Variants in EVC2 observed in about 807,000 individuals in gnomAD.
EVC2 encodes the protein limbin.
Under a neutral mutation model 149.3 loss-of-function variants are expected in EVC2, and 148 were observed. That is an observed-to-expected ratio of 0.99 (90% CI 0.87 to 1.14). EVC2 has a LOEUF of 1.14. Ranked by LOEUF, EVC2 falls within the 50% of genes most tolerant of loss-of-function variation. EVC2 has a pLI of 0.00. For synonymous variants in EVC2, 776 were observed against 649.9 expected, an observed-to-expected ratio of 1.19 and a Z score of -2.95; for missense variants, 1,854 against 1,627.3, an observed-to-expected ratio of 1.14 and a Z score of -2.40.
chr4:5,568,671 C>T, intron 19 of EVC2, 31 bp from the exon 20 acceptor site: 1 of 1,590,054 alleles, frequency 6.3e-7, no homozygotes, highest in South Asian at 1.1e-5. Context: ...AGTTCAGACC[C>T]TCGCCGCCTC....
chr4:5,648,204 C>T (rs1270244757), intron 9 of EVC2, among the ~76,000 whole-genome samples: 1 of 152,100 alleles, frequency 6.6e-6, no homozygotes, highest in Non-Finnish European at 1.5e-5. Flanking sequence ...CTGAAATGTG[C>T]AATAGATTAT....
chr4:5,627,269 G>A (rs1716184891), intron 12 of EVC2, among the ~76,000 whole-genome samples: 1 of 152,162 alleles, frequency 6.6e-6, no homozygotes, highest in African/African-American at 2.4e-5. Flanking sequence ...ATATAATTAT[G>A]TCTTTTAAAA....
In EVC2 at chr4:5,625,643, C is replaced by T; in HGVS notation, c.2046+106G>A. The stretch of plus-strand genomic sequence containing the variant: ...ACATCATGGTGCCTGCCCAGCTGCC[C>T]TTCTGATCCTAGTTCACCAATGGCA... On this transcript the variant is annotated intron_variant, in intron 13 of 21. Coordinates refer to ENST00000344408, the MANE Select transcript of EVC2 (RefSeq NM_147127.5). The surrounding 1 kb of genome is among the most constrained non-coding windows in gnomAD (Gnocchi z 4.0). 6.8e-7 allele frequency: 1 copy of T among 1,473,200 alleles called. No individual in the cohort carries two copies. The highest frequency in any genetic ancestry group is 1.8e-5 in the Admixed American group (1 of 56,202). The allele number at this position is 1,473,200 out of a possible 1,614,324, so 91.3% of individuals were successfully genotyped here. A position where few individuals can be genotyped will look rare whatever the true frequency, so the allele number is the denominator to read the frequency against.
At chr4:5,550,199 G>T (rs1721709652) in intron 21 of EVC2, among the ~76,000 whole-genome samples, 1 of 152,194 alleles carries the variant, frequency 6.6e-6, no homozygotes, top group Non-Finnish European at 1.5e-5. Context: ...TTGGAACTGG[G>T]TATCAGACAT....
At chr4:5,537,460 C>T in the EVC2 span, among the ~76,000 whole-genome samples, 1 of 152,162 alleles carries the variant, frequency 6.6e-6, no homozygotes, top group Non-Finnish European at 1.5e-5. Context: ...CTTTGGAAGT[C>T]AGGGGTCATT....
rs1713099616 is a variant in EVC2 at position 5,593,907 on chromosome 4, CAGG to C, written c.2830-9060_2830-9058del. 2.6e-5 allele frequency among the ~76,000 whole-genome samples: 4 copies of C among 152,216 alleles called. No homozygotes were observed. In the South Asian group the frequency reaches 6.2e-4, roughly 24 times the overall value. ...CCGAAGGGCTTAAAAAACGACGCAC[CAGG>C]AGATTATATCCCCCACCTGGCTTGG... On this transcript the variant is annotated intron_variant, in intron 16 of 21. Coordinates refer to ENST00000344408, the MANE Select transcript of EVC2 (RefSeq NM_147127.5).
intron 10 of EVC2, among the ~76,000 whole-genome samples, chr4:5,639,885 T>A (rs1365337355): frequency 6.6e-6 from 1 of 152,222 alleles, no homozygotes; most frequent in African/African-American, 2.4e-5. Context: ...GATTTTTTTA[T>A]AAGATTATGA....
chr4:5,606,243 G>C (rs1316719407), intron 16 of EVC2, among the ~76,000 whole-genome samples: 1 of 152,162 alleles, frequency 6.6e-6, no homozygotes, highest in Non-Finnish European at 1.5e-5. Context: ...ATACTCAGCG[G>C]AAAACACCCA....
intron 7 of EVC2, among the ~76,000 whole-genome samples, chr4:5,667,589 A>G (rs1198829996): frequency 6.6e-6 from 1 of 152,196 alleles, no homozygotes; most frequent in Non-Finnish European, 1.5e-5. Flanking sequence ...TATTACAGCA[A>G]AAAGACACAA....
rs73198131 is a variant in EVC2 at position 5,617,155 on chromosome 4, G to A, written c.2706+1323C>T. Among the ~76,000 whole-genome samples, 1,019 of 152,162 alleles carry A rather than the reference G, an allele frequency of 6.7e-3. 4 individuals are homozygous for A. The highest frequency in any genetic ancestry group is 0.011 in the African/African-American group (475 of 41,490). ...TTCCAAGTTGTTTCTGCATCCACTG[G>A]TTTACATTCAGAAAGGATATGTCTG... On this transcript the variant is annotated intron_variant, in intron 15 of 21. Transcript: ENST00000344408.
chr4:5,589,851 C>T (rs909768971), intron 16 of EVC2, among the ~76,000 whole-genome samples: 1 of 152,112 alleles, frequency 6.6e-6, no homozygotes, highest in Non-Finnish European at 1.5e-5. Context: ...GTTAAGTGCT[C>T]AGAACAGTGC....
downstream of EVC2, chr4:5,562,283 G>C (rs903709683): frequency 2.0e-5 from 4 of 195,272 alleles, no homozygotes; most frequent in Non-Finnish European, 3.7e-5. This position sits in a 1 kb window ranked among gnomAD's most constrained non-coding sequence, Gnocchi z 4.3. Flanking sequence ...ATTTGAACTG[G>C]TGACGGTAGA....
chr4:5,587,486 C>T (rs1177811890), intron 16 of EVC2, among the ~76,000 whole-genome samples: 1 of 152,184 alleles, frequency 6.6e-6, no homozygotes, highest in East Asian at 1.9e-4. Context: ...GACAATCAGT[C>T]AATTTTTGGA....
intron 20 of EVC2, among the ~76,000 whole-genome samples, chr4:5,566,551 C>T (rs1259017957): frequency 1.3e-5 from 2 of 152,210 alleles, no homozygotes; most frequent in African/African-American, 4.8e-5. Flanking sequence ...ACCCAAGACT[C>T]ATAACTGATG....
intron 7 of EVC2, among the ~76,000 whole-genome samples, chr4:5,673,773 G>T (rs1286161241): frequency 2.0e-5 from 3 of 152,340 alleles, no homozygotes; most frequent in African/African-American, 4.8e-5. Flanking sequence ...GCATGATGAA[G>T]AATTGTTTAC....
At chr4:5,565,221 C>T (rs758910232) in intron 21 of EVC2, 37 bp downstream of exon 21, 13 of 1,603,368 alleles carry the variant, frequency 8.1e-6, no homozygotes, top group South Asian at 1.1e-5. Context: ...CTTAGCTCAC[C>T]CCCTCCCCAG....
chr4:5,601,533 A>G (rs559647869), intron 16 of EVC2, among the ~76,000 whole-genome samples: 4,327 of 150,008 alleles, frequency 0.029, 196 homozygotes, highest in African/African-American at 0.1. Flanking sequence ...AAAAAAAAAA[A>G]CAATGGACGA....
At chr4:5,678,823 G>T (rs1052120950) in intron 7 of EVC2, among the ~76,000 whole-genome samples, 2 of 152,118 alleles carry the variant, frequency 1.3e-5, no homozygotes, top group African/African-American at 4.8e-5. Flanking sequence ...TTGAGGTCAG[G>T]AGTTCAAGAC....
At chr4:5,684,374 G>A (rs529261192) in intron 6 of EVC2, among the ~76,000 whole-genome samples, 1 of 152,316 alleles carries the variant, frequency 6.6e-6, no homozygotes, top group South Asian at 2.1e-4. Flanking sequence ...GTGGAAGGAG[G>A]CCTCAGGAGG....
Sources: allele counts gnomAD v4.1 joint callset (sites outside exome capture counted in the v4.1 genomes callset), GRCh38; gene constraint gnomAD v4.1.1; non-coding constraint Gnocchi (gnomAD v3.1); transcripts MANE v1.5; gene names NCBI Gene and HGNC (gene_info 2026-07-23, HGNC 2026-07-21).